The following NAA11 variants were observed in gnomAD, a reference collection of about 807,000 sequenced individuals.
NAA11 encodes the protein N-alpha-acetyltransferase 11.
A neutral mutation model predicts 16.1 loss-of-function variants in NAA11; 15 were observed. That is an observed-to-expected ratio of 0.93 (90% CI 0.62 to 1.44). The LOEUF is 1.44. Ranked by LOEUF, NAA11 falls within the 40% of genes most tolerant of loss-of-function variation. NAA11 has a pLI of 0.00. For missense variants in NAA11, 298 were observed against 291.3 expected (o/e 1.02, Z -0.17); for synonymous variants, 122 against 112.4 (o/e 1.09, Z -0.54).
rs1324402522 is a variant in NAA11 at position 79,325,397 on chromosome 4, G to C, written c.481C>G (p.Gln161Glu). 6.2e-7 allele frequency: 1 copy of C among 1,614,102 alleles called. No individual in the cohort carries two copies. Among genetic ancestry groups the C allele is most frequent in the East Asian group, 2.2e-5 (1 of 44,876 alleles). Residue 161 changes from glutamine (Q) to glutamate (E), a missense_variant, in exon 1 of 2, where the codon CAA becomes GAA. Physicochemically the swap from Gln to Glu is conservative, Grantham distance 29. Coordinates refer to ENST00000286794, the MANE Select transcript of NAA11 (RefSeq NM_032693.3). ...TACCCGCCCTTCTTCAGGTCCATTT[G>C]TCGTCTCAGCTCATCTGCCATCTGC... The part of the protein sequence containing the change: ...LSQMADELRR[Q>E]MDLKKGGYVV...
the NAA11 span, among the ~76,000 whole-genome samples, chr4:79,180,997 G>T: frequency 2.0e-5 from 3 of 151,844 alleles, no homozygotes; most frequent in South Asian, 2.1e-4. Context: ...ACCAAACACC[G>T]CATGTTCTCA....
the NAA11 span, among the ~76,000 whole-genome samples, chr4:79,179,239 T>G: frequency 6.6e-6 from 1 of 152,202 alleles, no homozygotes; most frequent in South Asian, 2.1e-4. Flanking sequence ...GAGTCAATTT[T>G]GGTACAGAAG....
chr4:79,217,808 A>C, the NAA11 span, among the ~76,000 whole-genome samples: 1 of 152,186 alleles, frequency 6.6e-6, no homozygotes. Flanking sequence ...TATTATAATT[A>C]CCATAATATC....
chr4:79,244,056 C>T (rs1421452922), intron 2 of NAA11, among the ~76,000 whole-genome samples: 1 of 152,204 alleles, frequency 6.6e-6, no homozygotes, highest in Non-Finnish European at 1.5e-5. Flanking sequence ...CATACTATGC[C>T]ATTTTTGTAT....
At chr4:79,220,441 G>C in the NAA11 span, among the ~76,000 whole-genome samples, 2 of 114,984 alleles carry the variant, frequency 1.7e-5, no homozygotes, top group Admixed American at 8.5e-5. Flanking sequence ...GTGTGTCTGT[G>C]TGTGTGTGTG....
At chr4:79,170,462 G>T in the NAA11 span, among the ~76,000 whole-genome samples, 1 of 152,204 alleles carries the variant, frequency 6.6e-6, no homozygotes, top group Non-Finnish European at 1.5e-5. Flanking sequence ...CCATATTTTT[G>T]CTAAGACTTG....
intron 1 of NAA11, among the ~76,000 whole-genome samples, chr4:79,301,158 T>C (rs1392109578): frequency 6.6e-6 from 1 of 152,236 alleles, no homozygotes. Flanking sequence ...TGGAATAATC[T>C]TTATAAAATG....
In NAA11 at chr4:79,325,363, A is replaced by G. The variant is rs1429320200; in HGVS notation, c.515T>C (p.Leu172Pro). 1.9e-6 allele frequency: 3 copies of G among 1,613,890 alleles called. No homozygotes were observed. Among genetic ancestry groups the G allele is most frequent in the Non-Finnish European group, 2.5e-6 (3 of 1,179,900 alleles). ...GGTCTCCTGGTTCTCCCTGGAGCCC[A>G]GGACCACATACCCGCCCTTCTTCAG... ...MDLKKGGYVV[L>P]GSRENQETQG... Residue 172 changes from leucine to proline, a missense_variant, in exon 1 of 2, where the codon CTG becomes CCG. Transcript: ENST00000286794.
At chr4:79,324,333 C>A (rs1724191789) in intron 1 of NAA11, among the ~76,000 whole-genome samples, 1 of 152,082 alleles carries the variant, frequency 6.6e-6, no homozygotes, top group Non-Finnish European at 1.5e-5. Context: ...AATATAGTCC[C>A]CGTTCAAATT....
At chr4:79,311,521 A>G (rs189864845) in intron 1 of NAA11, among the ~76,000 whole-genome samples, 125 of 152,324 alleles carry the variant, frequency 8.2e-4, no homozygotes, top group Non-Finnish European at 1.3e-3. Flanking sequence ...TGACAATTTC[A>G]GGTTATTTCA....
intron 2 of NAA11, among the ~76,000 whole-genome samples, chr4:79,280,018 A>C (rs1293777871): frequency 6.6e-6 from 1 of 152,094 alleles, no homozygotes. Context: ...CTTTGGGTGC[A>C]CAAAGAAAAG....
At chr4:79,320,082 C>A (rs887806906) in intron 1 of NAA11, among the ~76,000 whole-genome samples, 1 of 152,128 alleles carries the variant, frequency 6.6e-6, no homozygotes, top group Non-Finnish European at 1.5e-5. Context: ...TAATCAAGCA[C>A]ATATTTCTTG....
chr4:79,195,521 C>G, the NAA11 span, among the ~76,000 whole-genome samples: 1 of 151,952 alleles, frequency 6.6e-6, no homozygotes, highest in African/African-American at 2.4e-5. Flanking sequence ...TCTGTGGTAT[C>G]CAGTAAGCTA....
At chr4:79,181,966 C>A in the NAA11 span, among the ~76,000 whole-genome samples, 2 of 152,160 alleles carry the variant, frequency 1.3e-5, no homozygotes, top group African/African-American at 4.8e-5. Flanking sequence ...TCACAGAAGT[C>A]ATTTCTTGTG....
chr4:79,159,243 A>C, the NAA11 span, among the ~76,000 whole-genome samples: 649 of 152,278 alleles, frequency 4.3e-3, 8 homozygotes, highest in African/African-American at 0.015. Context: ...GCAAGGAAAA[A>C]AGCAAACAAT....
chr4:79,216,405 T>A, the NAA11 span, among the ~76,000 whole-genome samples: 1 of 152,142 alleles, frequency 6.6e-6, no homozygotes. Context: ...ACATTATTTT[T>A]AAAAGTCAAT....
the NAA11 span, among the ~76,000 whole-genome samples, chr4:79,167,959 T>A: frequency 6.6e-6 from 1 of 152,018 alleles, no homozygotes; most frequent in Non-Finnish European, 1.5e-5. Context: ...GCCATGGTGG[T>A]TTGCTGCACT....
chr4:79,302,998 C>T (rs541213176), intron 1 of NAA11, among the ~76,000 whole-genome samples: 1 of 149,382 alleles, frequency 6.7e-6, no homozygotes, highest in South Asian at 2.1e-4. Context: ...AAAATATACA[C>T]CCAAAGTAAT....
chr4:79,259,396 GGC>G (rs1206261623), intron 2 of NAA11, among the ~76,000 whole-genome samples: 1 of 152,208 alleles, frequency 6.6e-6, no homozygotes, highest in Admixed American at 6.5e-5. Flanking sequence ...ACAGAGAGCT[GGC>G]ACCCATGCTG....
Sources: gnomAD v4.1 joint callset for allele counts (sites outside exome capture counted in the v4.1 genomes callset) on GRCh38, gnomAD v4.1.1 for gene constraint, MANE v1.5 for transcripts, NCBI Gene and HGNC (gene_info 2026-07-23, HGNC 2026-07-21) for gene names.